The following CTNNA2 variants were observed in gnomAD, a reference collection of about 807,000 sequenced individuals.
The protein encoded by CTNNA2 is catenin alpha-2.
A neutral mutation model predicts 101.0 loss-of-function variants in CTNNA2; 42 were observed. That is an observed-to-expected ratio of 0.42 (90% CI 0.32 to 0.54). CTNNA2 has a LOEUF of 0.54. CTNNA2 is among the 20% of genes least tolerant of loss of function. The probability of loss-of-function intolerance (pLI) is 0.14; values close to 1 mark genes in which losing one functional copy is unlikely to be tolerated. For missense variants in CTNNA2, 871 were observed against 1,223.1 expected, an observed-to-expected ratio of 0.71 and a Z score of 4.29; for synonymous variants, 450 against 456.4, an observed-to-expected ratio of 0.99 and a Z score of 0.18.
At chr2:79,750,986 A>G (rs533890398) in intron 3 of CTNNA2, among the ~76,000 whole-genome samples, 1 of 152,302 alleles carries the variant, frequency 6.6e-6, no homozygotes, top group South Asian at 2.1e-4. Context: ...CCAGCCTGAC[A>G]TTCTGCAGGT....
intron 7 of CTNNA2, among the ~76,000 whole-genome samples, chr2:80,314,021 CT>C (rs2149233600): frequency 6.6e-6 from 1 of 152,288 alleles, no homozygotes; most frequent in South Asian, 2.1e-4. Flanking sequence ...TAAAAGCCAG[CT>C]AAGCTCACAC....
intron 7 of CTNNA2, among the ~76,000 whole-genome samples, chr2:80,224,196 C>T (rs1708737357): frequency 6.6e-6 from 1 of 152,178 alleles, no homozygotes; most frequent in African/African-American, 2.4e-5. Flanking sequence ...TGCCAGCTAC[C>T]AAGGAGACCC....
intron 5 of CTNNA2, among the ~76,000 whole-genome samples, chr2:79,871,165 T>C (rs2104031686): frequency 6.6e-6 from 1 of 152,336 alleles, no homozygotes; most frequent in African/African-American, 2.4e-5. Flanking sequence ...TTCTCTAACT[T>C]TCTCTCTGAC....
chr2:79,521,007 A>T (rs1672074422), intron 1 of CTNNA2, among the ~76,000 whole-genome samples: 1 of 151,266 alleles, frequency 6.6e-6, no homozygotes, highest in Non-Finnish European at 1.5e-5. Context: ...ATGAAAATTA[A>T]TAACAGCATA....
chr2:79,322,420 T>C (rs1023897072), intron 3 of CTNNA2, among the ~76,000 whole-genome samples: 1 of 152,222 alleles, frequency 6.6e-6, no homozygotes, highest in African/African-American at 2.4e-5. Flanking sequence ...CAAGGAACCA[T>C]TTGGAAAGGA....
intron 7 of CTNNA2, among the ~76,000 whole-genome samples, chr2:80,256,708 G>A (rs765795682): frequency 2.4e-4 from 36 of 152,186 alleles, no homozygotes; most frequent in Non-Finnish European, 4.3e-4. Context: ...TCATCATTGC[G>A]GCGATCTGGA....
chr2:80,247,492 C>T (rs755224052), intron 7 of CTNNA2, among the ~76,000 whole-genome samples: 2 of 152,290 alleles, frequency 1.3e-5, no homozygotes, highest in East Asian at 3.9e-4. Flanking sequence ...TGCTGACCAC[C>T]ACTTACAGAC....
chr2:80,549,255 C>A (rs1692352041), intron 11 of CTNNA2, among the ~76,000 whole-genome samples: 1 of 152,114 alleles, frequency 6.6e-6, no homozygotes, highest in African/African-American at 2.4e-5. Flanking sequence ...ATTTGGCTCA[C>A]AAAGTAGTAG....
intron 3 of CTNNA2, among the ~76,000 whole-genome samples, chr2:79,787,402 A>G (rs1360400673): frequency 2.0e-5 from 3 of 152,128 alleles, no homozygotes; most frequent in Non-Finnish European, 2.9e-5. Context: ...AGGGAGGAGT[A>G]GTAAAGATGA....
chr2:79,939,277 A>C (rs1687991453), intron 7 of CTNNA2, among the ~76,000 whole-genome samples: 2 of 151,880 alleles, frequency 1.3e-5, no homozygotes, highest in African/African-American at 4.9e-5. Flanking sequence ...GTAGCATCTG[A>C]CTCCAAATTG....
rs560825917 is a variant in CTNNA2 at position 79,900,776 on chromosome 2, A to G, written c.853-8818A>G. Among the ~76,000 whole-genome samples, 12 of 152,254 alleles carry G rather than the reference A, an allele frequency of 7.9e-5. No homozygotes were observed. The South Asian group carries it at 2.5e-3, about 32-fold the overall frequency. On this transcript the variant is annotated intron_variant, in intron 6 of 18. Transcript: ENST00000402739. ...AAGAGCCAATAATAATTCATAATAC[A>G]TTTAAAAATAACTAAAAGAGTATAA...
At chr2:80,442,881 A>G (rs901288458) in intron 9 of CTNNA2, among the ~76,000 whole-genome samples, 3 of 152,174 alleles carry the variant, frequency 2.0e-5, no homozygotes, top group South Asian at 2.1e-4. Flanking sequence ...CAGAGCAGAA[A>G]ACAAAGGGAC....
At chr2:80,174,158 A>T (rs1705249211) in intron 7 of CTNNA2, among the ~76,000 whole-genome samples, 1 of 152,180 alleles carries the variant, frequency 6.6e-6, no homozygotes, top group Non-Finnish European at 1.5e-5. Context: ...AAAATGTGGA[A>T]TTCTTAATGC....
At chr2:80,050,602 C>T (rs1696814432) in intron 7 of CTNNA2, among the ~76,000 whole-genome samples, 1 of 152,184 alleles carries the variant, frequency 6.6e-6, no homozygotes. Context: ...TAAACAGACC[C>T]CTGCGGGGAG....
rs12105449 is a variant in CTNNA2 at position 79,678,878 on chromosome 2, A to G, written c.102+27220A>G. Among the ~76,000 whole-genome samples the G allele has an allele frequency of 8.6e-4, 131 of 152,284 alleles. 1 individual carries two copies. Among genetic ancestry groups the G allele is most frequent in the African/African-American group, 3.0e-3 (125 of 41,572 alleles). On this transcript the variant is annotated intron_variant, in intron 2 of 18. Coordinates refer to ENST00000402739, the MANE Select transcript of CTNNA2 (RefSeq NM_001282597.3). ...CACTTGCTTCTCTTCTCCACTGTAA[A>G]TGCAATTTACAGCTCCTTAAAATCT... is the stretch of plus-strand genomic sequence containing the variant.
intron 3 of CTNNA2, among the ~76,000 whole-genome samples, chr2:79,834,974 A>G (rs1679209887): frequency 6.6e-6 from 1 of 152,114 alleles, no homozygotes; most frequent in African/African-American, 2.4e-5. Context: ...TCACATTTGC[A>G]TATATGTAAG....
chr2:79,277,538 G>A (rs1675244625), intron 2 of CTNNA2, among the ~76,000 whole-genome samples: 1 of 152,002 alleles, frequency 6.6e-6, no homozygotes, highest in East Asian at 1.9e-4. Flanking sequence ...GGAGACTGAC[G>A]GTTCCTACCT....
At chr2:80,409,209 C>T (rs1029590348) in intron 8 of CTNNA2, among the ~76,000 whole-genome samples, 1 of 139,870 alleles carries the variant, frequency 7.1e-6, no homozygotes, top group Non-Finnish European at 1.5e-5. Context: ...GAAATGCCAA[C>T]TCTTCTGGGC....
At chr2:79,623,929 C>T (rs1471783908) in intron 1 of CTNNA2, among the ~76,000 whole-genome samples, 2 of 152,128 alleles carry the variant, frequency 1.3e-5, no homozygotes, top group African/African-American at 4.8e-5. Flanking sequence ...AGTAGTAGCT[C>T]TGTAACTTGA....
Sources: gnomAD v4.1 joint callset for allele counts (sites outside exome capture counted in the v4.1 genomes callset) on GRCh38, gnomAD v4.1.1 for gene constraint, MANE v1.5 for transcripts, NCBI Gene and HGNC (gene_info 2026-07-23, HGNC 2026-07-21) for gene names.